ESR1: variants seen among roughly 807,000 people sequenced by gnomAD.
ESR1 encodes the protein estrogen receptor.
A neutral mutation model predicts 52.7 loss-of-function variants in ESR1; 12 were observed. The observed-to-expected ratio is 0.23, with a 90% CI of 0.15 to 0.37. ESR1 has a LOEUF of 0.37. Ranked by LOEUF, ESR1 falls within the 10% of genes least tolerant of loss-of-function variation. The pLI, the probability that ESR1 is intolerant of heterozygous loss-of-function variation, is 1.00. For synonymous variants in ESR1, 305 were observed against 316.8 expected (o/e 0.96, Z 0.39); for missense variants, 584 against 779.7 (o/e 0.75, Z 2.99).
chr6:152,028,416 G>A (rs1010213063), intron 5 of ESR1, among the ~76,000 whole-genome samples: 4 of 152,134 alleles, frequency 2.6e-5, no homozygotes, highest in Admixed American at 1.3e-4. Context: ...GGTGACAGAC[G>A]GCACCTGGAA....
At chr6:151,989,614 T>C (rs1212792490) in intron 4 of ESR1, among the ~76,000 whole-genome samples, 1 of 152,118 alleles carries the variant, frequency 6.6e-6, no homozygotes, top group South Asian at 2.1e-4. Context: ...GTAGACTGGC[T>C]TAGGGTCTAA....
chr6:151,843,632 G>T (rs1018140405), intron 2 of ESR1, among the ~76,000 whole-genome samples: 1 of 152,126 alleles, frequency 6.6e-6, no homozygotes, highest in Admixed American at 6.6e-5. Flanking sequence ...TATCTTAAGT[G>T]TGGGGCATTT....
chr6:152,037,582 A>G (rs954720134), intron 5 of ESR1, among the ~76,000 whole-genome samples: 1 of 152,210 alleles, frequency 6.6e-6, no homozygotes, highest in Non-Finnish European at 1.5e-5. Flanking sequence ...CCTTAGAGGC[A>G]TTCCTTCTAG....
At chr6:151,748,453 TG>T (rs1212947283) in intron 2 of ESR1, among the ~76,000 whole-genome samples, 1 of 152,214 alleles carries the variant, frequency 6.6e-6, no homozygotes, top group African/African-American at 2.4e-5. Context: ...GAGTATTTTT[TG>T]TGACGATGTA....
intron 1 of ESR1, among the ~76,000 whole-genome samples, chr6:151,669,090 G>T (rs1777928187): frequency 1.3e-5 from 2 of 149,166 alleles, no homozygotes; most frequent in South Asian, 4.3e-4. Context: ...CAAGCTGTTG[G>T]CCAGAGCCGT....
intron 5 of ESR1, among the ~76,000 whole-genome samples, chr6:152,041,821 C>T (rs536709418): frequency 6.6e-6 from 1 of 152,358 alleles, no homozygotes; most frequent in East Asian, 1.9e-4. Flanking sequence ...CAAATTGCTT[C>T]TGCTGGGCCT....
At chr6:151,912,379 T>G (rs1180399644) in intron 3 of ESR1, among the ~76,000 whole-genome samples, 1 of 152,240 alleles carries the variant, frequency 6.6e-6, no homozygotes, top group Non-Finnish European at 1.5e-5. Flanking sequence ...ATTACAGTGT[T>G]TGTAGCAGCA....
At chr6:152,060,312 C>A (rs367693287) in intron 5 of ESR1, among the ~76,000 whole-genome samples, 3 of 152,160 alleles carry the variant, frequency 2.0e-5, no homozygotes, top group East Asian at 3.8e-4. Context: ...CATCTCCTGA[C>A]CTCCAACACA....
chr6:151,662,820 C>T (rs760962416), intron 1 of ESR1, among the ~76,000 whole-genome samples: 16 of 152,252 alleles, frequency 1.1e-4, no homozygotes, highest in East Asian at 1.9e-4. Context: ...ATGTATTAAA[C>T]GAAGAATTTT....
At chr6:151,946,901 C>T (rs1267471546) in intron 4 of ESR1, among the ~76,000 whole-genome samples, 1 of 152,158 alleles carries the variant, frequency 6.6e-6, no homozygotes, top group Non-Finnish European at 1.5e-5. Context: ...GGATTTATAT[C>T]TTTTATATAT....
rs767684893 is a variant in ESR1 at position 152,070,946 on chromosome 6, C to T, written c.1369+9822C>T. Among the ~76,000 whole-genome samples the T allele has an allele frequency of 2.4e-4, 33 of 138,690 alleles. 14 individuals are homozygous for T. Among genetic ancestry groups the T allele is most frequent in the African/African-American group, 9.2e-4 (29 of 31,624 alleles). The allele number at this position is 138,690 out of a possible 152,430, so 91.0% of individuals were successfully genotyped here. A position where few individuals can be genotyped will look rare whatever the true frequency, so the allele number is the denominator to read the frequency against. ...GAGTGATGTCTGTGGCTTTGTCAAC[C>T]GTTGTTTGTTAGCTTGATCACCATT... On this transcript the variant is annotated intron_variant, in intron 6 of 7. Transcript: ENST00000206249.
chr6:151,908,590 G>A (rs945841000), intron 3 of ESR1, among the ~76,000 whole-genome samples: 7 of 152,212 alleles, frequency 4.6e-5, no homozygotes, highest in Admixed American at 2.0e-4. Flanking sequence ...CTCACTCGTT[G>A]CTTAAAACTG....
chr6:152,006,484 T>A (rs1035432778), intron 4 of ESR1, among the ~76,000 whole-genome samples: 2 of 151,946 alleles, frequency 1.3e-5, no homozygotes, highest in Non-Finnish European at 1.5e-5. Context: ...GGAGAATAAA[T>A]CGCAAAATAT....
intron 5 of ESR1, among the ~76,000 whole-genome samples, chr6:152,035,666 T>C (rs1279535246): frequency 6.6e-6 from 1 of 152,140 alleles, no homozygotes; most frequent in Non-Finnish European, 1.5e-5. Flanking sequence ...AGTTCTAAAG[T>C]CATAAAGCTA....
chr6:151,841,605 T>A (rs1261838302), intron 1 of ESR1, among the ~76,000 whole-genome samples: 5 of 152,194 alleles, frequency 3.3e-5, no homozygotes, highest in Admixed American at 3.3e-4. Flanking sequence ...ACATTTTTTT[T>A]TAGCTTTCTA....
chr6:151,850,953 C>T (rs73780879), intron 2 of ESR1, among the ~76,000 whole-genome samples: 97 of 152,122 alleles, frequency 6.4e-4, no homozygotes, highest in African/African-American at 2.1e-3. Context: ...TTTCTTGTTG[C>T]GAGACATTCT....
intron 5 of ESR1, among the ~76,000 whole-genome samples, chr6:152,012,462 A>G (rs1271248333): frequency 6.6e-6 from 1 of 151,984 alleles, no homozygotes; most frequent in African/African-American, 2.4e-5. Context: ...CACTTTACAT[A>G]TATTATCTCA....
In ESR1 at chr6:152,060,926, T is replaced by C. The variant is rs2047493691; in HGVS notation, c.1236-65T>C. The stretch of plus-strand genomic sequence containing the variant: ...TTATGAATGTGAACCCTTTCATGTC[T>C]TGTGGAAGATTTTCTGTTTTTTAAT... On this transcript the variant is annotated intron_variant, in intron 5 of 7. Coordinates refer to ENST00000206249, the MANE Select transcript of ESR1 (RefSeq NM_000125.4). 1.6e-5 allele frequency: 22 copies of C among 1,351,880 alleles called. 3 individuals carry two copies. The South Asian group carries it at 2.8e-4, about 17-fold the overall frequency. 83.7% of individuals were successfully genotyped at this position (1,351,880 alleles called of 1,614,324 possible). A position where few individuals can be genotyped will look rare whatever the true frequency, so the allele number is the denominator to read the frequency against.
chr6:151,780,928 G>A (rs533615852), intron 2 of ESR1, among the ~76,000 whole-genome samples: 9 of 152,280 alleles, frequency 5.9e-5, no homozygotes, highest in African/African-American at 1.7e-4. Context: ...TCAAAATGTA[G>A]TACAAAATTA....
Sources: gnomAD v4.1 joint callset for allele counts (sites outside exome capture counted in the v4.1 genomes callset) on GRCh38, gnomAD v4.1.1 for gene constraint, MANE v1.5 for transcripts, NCBI Gene and HGNC (gene_info 2026-07-23, HGNC 2026-07-21) for gene names.